The following SEMA5A variants were observed in gnomAD, a reference collection of about 807,000 sequenced individuals.
SEMA5A encodes the protein semaphorin-5A.
In SEMA5A, 55 loss-of-function variants were observed where a neutral mutation model predicts 135.5. That is an observed-to-expected ratio of 0.41 (90% CI 0.33 to 0.51). SEMA5A has a LOEUF of 0.51. Among genes scored for constraint, SEMA5A ranks in the 20% least tolerant of loss-of-function variants. The pLI is 0.37. For missense variants in SEMA5A, 1,290 were observed against 1,419.9 expected (o/e 0.91, Z 1.47); for synonymous variants, 580 against 546.5 (o/e 1.06, Z -0.85).
chr5:9,135,895 T>C (rs1741710918), intron 13 of SEMA5A, among the ~76,000 whole-genome samples: 1 of 152,070 alleles, frequency 6.6e-6, no homozygotes, highest in Non-Finnish European at 1.5e-5. Context: ...CCCAAACACA[T>C]ATATCAGCAA....
At chr5:9,095,784 T>C (rs1344619230) in intron 16 of SEMA5A, among the ~76,000 whole-genome samples, 2 of 152,230 alleles carry the variant, frequency 1.3e-5, no homozygotes, top group African/African-American at 4.8e-5. Context: ...TTCTGTCACT[T>C]CTACCAAAGG....
chr5:9,107,346 T>C (rs1170788272), intron 16 of SEMA5A, among the ~76,000 whole-genome samples: 2 of 151,036 alleles, frequency 1.3e-5, no homozygotes, highest in Non-Finnish European at 2.9e-5. Flanking sequence ...TTAAAAGAAA[T>C]ATAACCTGTA....
chr5:9,379,535 A>G (rs1755502882), intron 3 of SEMA5A, among the ~76,000 whole-genome samples: 1 of 152,194 alleles, frequency 6.6e-6, no homozygotes, highest in Admixed American at 6.5e-5. Flanking sequence ...CCTTTGGTTC[A>G]AACACTTAGG....
chr5:9,138,753 C>G (rs1285631077), intron 12 of SEMA5A, among the ~76,000 whole-genome samples: 4 of 152,146 alleles, frequency 2.6e-5, no homozygotes, highest in Non-Finnish European at 5.9e-5. Flanking sequence ...ATCCCTCACC[C>G]CCTTCCTACA....
chr5:9,482,819 C>G (rs1241598924), intron 1 of SEMA5A, among the ~76,000 whole-genome samples: 1 of 152,326 alleles, frequency 6.6e-6, no homozygotes, highest in African/African-American at 2.4e-5. Context: ...CTTCTTTTGA[C>G]AGGCGATTTG....
At position 9,266,021 on chromosome 5, in the gene SEMA5A, GA is replaced by G. The variant is rs1228005633; in HGVS notation, c.271-28132del. ...TCCCACATTTTCTCCCACTTACCGC[GA>G]AAAAATCCATTTATCTCACATTTCC... is the stretch of plus-strand genomic sequence containing the variant. On this transcript the variant is annotated intron_variant, in intron 5 of 22. Transcript: ENST00000382496. Among the ~76,000 whole-genome samples, 3 of 152,230 alleles carry G rather than the reference GA, an allele frequency of 2.0e-5. No individual in the cohort carries two copies. The East Asian group carries it at 5.8e-4, about 29-fold the overall frequency.
chr5:9,227,592 C>A (rs556351592), intron 6 of SEMA5A, among the ~76,000 whole-genome samples: 1 of 148,980 alleles, frequency 6.7e-6, no homozygotes, highest in African/African-American at 2.5e-5. Context: ...GCTCTGTCGC[C>A]CAGGCTGGAG....
chr5:9,446,341 T>C (rs1002047035), intron 1 of SEMA5A, among the ~76,000 whole-genome samples: 1 of 151,982 alleles, frequency 6.6e-6, no homozygotes, highest in African/African-American at 2.4e-5. Flanking sequence ...GGGGCAAAAA[T>C]GACTTCTTTA....
At chr5:9,044,178 T>G (rs1736115461) in intron 22 of SEMA5A, among the ~76,000 whole-genome samples, 195 bp downstream of exon 22, 1 of 152,182 alleles carries the variant, frequency 6.6e-6, no homozygotes, top group African/African-American at 2.4e-5. Flanking sequence ...GAGACAAGTA[T>G]GGACATTGTG....
At chr5:9,454,268 C>A (rs1758751630) in intron 1 of SEMA5A, among the ~76,000 whole-genome samples, 2 of 152,156 alleles carry the variant, frequency 1.3e-5, no homozygotes. Flanking sequence ...ATAATGTGAA[C>A]CAGATCCTCA....
intron 2 of SEMA5A, among the ~76,000 whole-genome samples, chr5:9,433,743 CAATT>C (rs1272320620): frequency 6.6e-6 from 1 of 151,176 alleles, no homozygotes; most frequent in African/African-American, 2.4e-5. Context: ...TTGACTAAAA[CAATT>C]AATAATACTA....
intron 1 of SEMA5A, among the ~76,000 whole-genome samples, chr5:9,512,599 TA>T (rs1275293382): frequency 6.6e-6 from 1 of 152,154 alleles, no homozygotes; most frequent in Non-Finnish European, 1.5e-5. Context: ...GGAGTGGTTT[TA>T]AAAGTCAACA....
At chr5:9,436,940 C>T (rs1414230553) in intron 2 of SEMA5A, among the ~76,000 whole-genome samples, 2 of 122,948 alleles carry the variant, frequency 1.6e-5, no homozygotes, top group Non-Finnish European at 3.9e-5. Flanking sequence ...GTGGTGGGAA[C>T]AGATCATTGT....
At chr5:9,148,729 T>G (rs1030598316) in intron 12 of SEMA5A, among the ~76,000 whole-genome samples, 4 of 152,064 alleles carry the variant, frequency 2.6e-5, no homozygotes, top group Non-Finnish European at 5.9e-5. Context: ...TTTGTTTTGT[T>G]TTGGTTTTGA....
intron 16 of SEMA5A, among the ~76,000 whole-genome samples, chr5:9,085,510 C>A (rs1006903359): frequency 6.6e-6 from 1 of 152,186 alleles, no homozygotes; most frequent in Non-Finnish European, 1.5e-5. Context: ...AGGGTGCAAG[C>A]CCCAAGCCTT....
chr5:9,524,386 G>A (rs531885874), intron 1 of SEMA5A, among the ~76,000 whole-genome samples: 7 of 152,084 alleles, frequency 4.6e-5, no homozygotes, highest in Admixed American at 2.6e-4. Flanking sequence ...TTCATAAAAC[G>A]GCCACATGAA....
chr5:9,124,064 G>C (rs952617044), intron 13 of SEMA5A, among the ~76,000 whole-genome samples: 4 of 152,134 alleles, frequency 2.6e-5, no homozygotes, highest in African/African-American at 4.8e-5. Context: ...GGGCACATGG[G>C]CATTCCCCAT....
chr5:9,347,426 G>T (rs805147), intron 3 of SEMA5A, among the ~76,000 whole-genome samples: 151,258 of 152,358 alleles, frequency 0.99, 75,097 homozygotes, highest in Middle Eastern at 1. Flanking sequence ...TCTTGGGCAG[G>T]CTTCCTGGTG....
intron 5 of SEMA5A, among the ~76,000 whole-genome samples, chr5:9,255,937 C>T (rs894272179): frequency 6.6e-6 from 1 of 152,120 alleles, no homozygotes. Flanking sequence ...CATACACTAC[C>T]CACTTAGTTG....
Sources: allele counts gnomAD v4.1 joint callset (sites outside exome capture counted in the v4.1 genomes callset), GRCh38; gene constraint gnomAD v4.1.1; transcripts MANE v1.5; gene names NCBI Gene and HGNC (gene_info 2026-07-23, HGNC 2026-07-21).